PTPRQ: variants seen among roughly 807,000 people sequenced by gnomAD.
PTPRQ encodes phosphatidylinositol phosphatase PTPRQ.
PTPRQ carries 199 observed loss-of-function variants against 246.0 expected under a neutral mutation model. The ratio of observed to expected loss-of-function variants is 0.81; its 90% CI spans 0.72 to 0.91. PTPRQ has a LOEUF of 0.91. PTPRQ is among the 40% of genes least tolerant of loss of function. PTPRQ has a pLI of 0.00. For missense variants in PTPRQ, 2,624 were observed against 2,528.4 expected (o/e 1.04, Z -0.81); for synonymous variants, 869 against 853.2 (o/e 1.02, Z -0.32).
chr12:80,524,111 T>G (rs956887174), intron 17 of PTPRQ, among the ~76,000 whole-genome samples: 4 of 152,212 alleles, frequency 2.6e-5, no homozygotes, highest in African/African-American at 9.6e-5. Flanking sequence ...TCCTTTAGCA[T>G]TATGTAATGG....
At chr12:80,481,738 A>G (rs1894067792) in intron 8 of PTPRQ, among the ~76,000 whole-genome samples, 1 of 152,170 alleles carries the variant, frequency 6.6e-6, no homozygotes, top group South Asian at 2.1e-4. Context: ...ACAACAGACA[A>G]ACAGAGAGCC....
intron 25 of PTPRQ, among the ~76,000 whole-genome samples, chr12:80,573,938 G>A (rs1362081420): frequency 1.3e-5 from 2 of 152,202 alleles, no homozygotes; most frequent in Non-Finnish European, 2.9e-5. Context: ...TTTGCAAAAT[G>A]TCTGTATCAT....
At chr12:80,471,442 T>TCCTCTTA (rs1247304898) in intron 7 of PTPRQ, among the ~76,000 whole-genome samples, 1 of 150,828 alleles carries the variant, frequency 6.6e-6, no homozygotes. Flanking sequence ...TCTAAATATA[T>TCCTCTTA]CCTCTTATAG....
chr12:80,549,396 C>T lies in PTPRQ; in HGVS notation c.4016-69C>T, dbSNP rs938849874. ...TAAACACAGATGTATCTAGTGATCA[C>T]GTAATTCAATCAATTATCTACTTAC... is the stretch of plus-strand genomic sequence containing the variant. On this transcript the variant is annotated intron_variant, in intron 24 of 44. Transcript: ENST00000644991. 58 of 1,442,748 alleles carry T rather than the reference C, an allele frequency of 4.0e-5. 1 individual carries two copies. The highest frequency in any genetic ancestry group is 3.6e-4 in the Middle Eastern group (2 of 5,500). 89.4% of individuals were successfully genotyped at this position (1,442,748 alleles called of 1,614,324 possible).
intron 27 of PTPRQ, among the ~76,000 whole-genome samples, chr12:80,608,509 T>A (rs1211635198): frequency 1.4e-5 from 2 of 147,342 alleles, no homozygotes; most frequent in East Asian, 4.1e-4. Flanking sequence ...ACTTGATATT[T>A]GTTATCTATT....
At chr12:80,493,479 T>C (rs1258322133) in intron 10 of PTPRQ, 24 bp downstream of exon 10, 1 of 1,541,360 alleles carries the variant, frequency 6.5e-7, no homozygotes, top group Admixed American at 2.0e-5. Flanking sequence ...TGATTTTCTA[T>C]AAAGTTCATT....
At chr12:80,455,038 T>G (rs1892927743) in intron 3 of PTPRQ, among the ~76,000 whole-genome samples, 1 of 152,156 alleles carries the variant, frequency 6.6e-6, no homozygotes, top group South Asian at 2.1e-4. Context: ...CTGGGCATGG[T>G]GGCGAGTGCC....
chr12:80,610,753 TA>T, intron 28 of PTPRQ, 128 bp downstream of exon 28: 1 of 1,142,218 alleles, frequency 8.8e-7, no homozygotes, highest in Non-Finnish European at 1.2e-6. Context: ...ACAAAAAAAT[TA>T]GTGACTCTCT....
intron 25 of PTPRQ, among the ~76,000 whole-genome samples, chr12:80,554,788 G>A (rs1180258027): frequency 1.3e-5 from 2 of 152,208 alleles, no homozygotes; most frequent in Non-Finnish European, 2.9e-5. Context: ...TGTCACCGAG[G>A]CTGGAGTGCA....
Position 80,496,631 on chromosome 12 carries a change from C to A in PTPRQ, c.2272+100C>A, listed in dbSNP as rs1894634650. The A allele has an allele frequency of 2.2e-6, 3 of 1,354,348 alleles. No homozygotes were observed. The Admixed American group carries it at 9.9e-5, about 45-fold the overall frequency. 83.9% of individuals were successfully genotyped at this position (1,354,348 alleles called of 1,614,324 possible). ...TTTACATTTTACATAACCTAAAATC[C>A]CTCATTATTTTGTTTTATATAATCC... On this transcript the variant is annotated intron_variant, in intron 14 of 44. Coordinates refer to ENST00000644991, the MANE Select transcript of PTPRQ (RefSeq NM_001145026.2).
rs1424847470 is a variant in PTPRQ, at chr12:80,541,657, A to G, written c.3257A>G (p.Tyr1086Cys). ...PPAQPNGLVF[Y>C]YVSLILQQTP... ...GCTCAACCAAACGGTCTAGTCTTCTACTATGTTTCACTGATCTTACAGCAG... is the reference window on the plus strand; with the variant it reads ...GCTCAACCAAACGGTCTAGTCTTCTGCTATGTTTCACTGATCTTACAGCAG... Residue 1086 changes from tyrosine to cysteine, a missense_variant, in exon 21 of 45, where the codon TAC (tyrosine) becomes TGC (cysteine). By Grantham distance (194) the Tyr-to-Cys change is radical. Transcript: ENST00000644991. 1.3e-6 allele frequency: 2 copies of G among 1,551,152 alleles called. No individual in the cohort carries two copies. The highest frequency in any genetic ancestry group is 1.2e-5 in the South Asian group (1 of 83,990).
chr12:80,588,140 C>T lies in PTPRQ; in HGVS notation c.4297C>T (p.Pro1433Ser). The T allele has an allele frequency of 6.6e-7, 1 of 1,522,798 alleles. No individual in the cohort carries two copies. Among genetic ancestry groups the T allele is most frequent in the Non-Finnish European group, 8.8e-7 (1 of 1,132,310 alleles). The allele number at this position is 1,522,798 out of a possible 1,614,324, so 94.3% of individuals were successfully genotyped here. A position where few individuals can be genotyped will look rare whatever the true frequency, so the allele number is the denominator to read the frequency against. The change falls in exon 26 of 45, where the codon CCC becomes TCC. Residue 1433 changes from proline to serine, a missense_variant. Transcript: ENST00000644991. The part of the protein sequence containing the change: ...STLPETVPSV[P>S]TNIAFSDVQS... ...CCTTTAATTTTTAGTTCCCAGTGTT[C>T]CCACAAATATTGCTTTTTCTGATGT...
intron 38 of PTPRQ, 62 bp downstream of exon 38, chr12:80,652,896 CTT>C: frequency 7.2e-7 from 1 of 1,398,194 alleles, no homozygotes; most frequent in Middle Eastern, 1.9e-4. Flanking sequence ...ACCATCTTAA[CTT>C]TTTTGTTTCC....
In PTPRQ at chr12:80,591,675, C is replaced by A. The variant is rs530814413; in HGVS notation, c.4609+3223C>A. 2.0e-5 allele frequency among the ~76,000 whole-genome samples: 3 copies of A among 152,266 alleles called. No homozygotes were observed. In the East Asian group the frequency reaches 5.8e-4, roughly 29 times the overall value. On this transcript the variant is annotated intron_variant, in intron 26 of 44. Coordinates refer to ENST00000644991, the MANE Select transcript of PTPRQ (RefSeq NM_001145026.2). ...ACCTGCTGATTTTGTCAAGAAATAG[C>A]TATTCTAATATAACTAGAAAACAGA...
intron 25 of PTPRQ, among the ~76,000 whole-genome samples, chr12:80,568,522 T>C (rs1897045394): frequency 6.6e-6 from 1 of 152,234 alleles, no homozygotes; most frequent in African/African-American, 2.4e-5. Flanking sequence ...TTTCTGTCCA[T>C]ATTTGTCTTC....
chr12:80,447,169 T>A (rs1410266110), intron 3 of PTPRQ, among the ~76,000 whole-genome samples: 1 of 152,104 alleles, frequency 6.6e-6, no homozygotes, highest in Non-Finnish European at 1.5e-5. Context: ...ATGTTGAGCA[T>A]TTTTTATATA....
At chr12:80,520,499 A>C in intron 17 of PTPRQ, among the ~76,000 whole-genome samples, 1 of 135,220 alleles carries the variant, frequency 7.4e-6, no homozygotes. Context: ...TCCTAATGCT[A>C]TCCCTCCCCC....
At chr12:80,594,267 A>G (rs964554365) in intron 26 of PTPRQ, among the ~76,000 whole-genome samples, 1 of 152,184 alleles carries the variant, frequency 6.6e-6, no homozygotes, top group Non-Finnish European at 1.5e-5. Flanking sequence ...ATAAAGAAGC[A>G]ATTATATAAT....
Position 80,445,621 on chromosome 12 carries a change from G to A in PTPRQ, c.294G>A (p.Pro98=), listed in dbSNP as rs748647118. 90 of 1,549,788 alleles carry A rather than the reference G, an allele frequency of 5.8e-5. No individual in the cohort carries two copies. In the South Asian group the frequency reaches 6.4e-4, roughly 11 times the overall value. The part of the protein sequence containing the change: ...SYIVKYKEVC[P]WMQTVYTQVR... ...TTGTCAAATATAAGGAAGTTTGTCC[G>A]TGGATGCAAACAGTATATACACAAG... is the stretch of plus-strand genomic sequence containing the variant. Residue 98 remains proline, a synonymous_variant, in exon 3 of 45, where the codon CCG becomes CCA. Transcript: ENST00000644991.
Sources: gnomAD v4.1 joint callset for allele counts (sites outside exome capture counted in the v4.1 genomes callset) on GRCh38, gnomAD v4.1.1 for gene constraint, MANE v1.5 for transcripts, NCBI Gene and HGNC (gene_info 2026-07-23, HGNC 2026-07-21) for gene names.